The following TWF1 variants were observed in gnomAD, a reference collection of about 807,000 sequenced individuals.
TWF1 encodes twinfilin actin binding protein 1, also known as twinfilin-1.
A neutral mutation model predicts 47.9 loss-of-function variants in TWF1; 14 were observed. That is an observed-to-expected ratio of 0.29 (90% CI 0.19 to 0.46). TWF1 has a LOEUF of 0.46. TWF1 is among the 20% of genes least tolerant of loss of function. The probability of loss-of-function intolerance (pLI) is 1.00; values close to 1 mark genes in which losing one functional copy is unlikely to be tolerated. For missense variants in TWF1, 281 were observed against 409.3 expected (o/e 0.69, Z 2.70); for synonymous variants, 96 against 139.2 (o/e 0.69, Z 2.18).
intron 3 of TWF1, 139 bp downstream of exon 3, chr12:43,802,147 T>A: frequency 5.9e-6 from 3 of 512,510 alleles, no homozygotes; most frequent in Non-Finnish European, 9.9e-6. Flanking sequence ...GATTCTCCGT[T>A]ATCAATCCAA....
rs769048004 is a variant in TWF1 at position 43,804,614 on chromosome 12, TATAA to T, written c.26-46_26-43del. 2.0e-5 allele frequency: 27 copies of T among 1,348,944 alleles called. No homozygotes were observed. In the South Asian group the frequency reaches 3.2e-4, roughly 16 times the overall value. 83.6% of individuals were successfully genotyped at this position (1,348,944 alleles called of 1,614,324 possible). A position where few individuals can be genotyped will look rare whatever the true frequency, so the allele number is the denominator to read the frequency against. ...AGAAAGTAAACTTTTTATACTTACA[TATAA>T]ATACTTTCCTATCTATATTGGAAAA... On this transcript the variant is annotated intron_variant, in intron 1 of 8. Transcript: ENST00000395510.
chr12:43,795,533 C>G lies in TWF1; in HGVS notation c.*52G>C. 6.4e-7 allele frequency: 1 copy of G among 1,550,722 alleles called. No homozygotes were observed. The highest frequency in any genetic ancestry group is 8.8e-7 in the Non-Finnish European group (1 of 1,138,604). ...ATGGAATGATTTCAGTTCTCCTGTA[C>G]TAAAAGCTGGACTTTTAAAAAACTA... On this transcript the variant is annotated 3_prime_UTR_variant, in exon 9 of 9. Transcript: ENST00000395510.
intron 3 of TWF1, among the ~76,000 whole-genome samples, chr12:43,801,751 T>G (rs772453641): frequency 5.9e-5 from 9 of 152,078 alleles, no homozygotes; most frequent in Non-Finnish European, 1.2e-4. Context: ...CAAATTAGGT[T>G]GGACACAGTG....
intron 5 of TWF1, chr12:43,798,537 A>T: frequency 6.7e-7 from 1 of 1,497,992 alleles, no homozygotes; most frequent in African/African-American, 1.4e-5. Context: ...GTTAATGAAA[A>T]CATCATAGAA....
In TWF1 at chr12:43,795,650, C is replaced by T; in HGVS notation, c.988G>A (p.Ala330Thr). 1 of 1,613,268 alleles carries T rather than the reference C, an allele frequency of 6.2e-7. No homozygotes were observed. Among genetic ancestry groups the T allele is most frequent in the South Asian group, 1.1e-5 (1 of 91,054 alleles). The change falls in exon 9 of 9, where the codon GCA becomes ACA. Residue 330 changes from alanine (A) to threonine (T), a missense_variant. Transcript: ENST00000395510. ...KQSFAKPKGP[A>T]GKRGIRRLIR... ...AGTCTTCGAATTCCTCTTTTTCCTG[C>T]AGGACCTTTTGGTTTTGCAAAACTT...
chr12:43,795,869 G>C, intron 8 of TWF1, 114 bp from the exon 9 acceptor site: 2 of 994,194 alleles, frequency 2.0e-6, no homozygotes, highest in East Asian at 4.9e-5. Flanking sequence ...GCAGAATCAA[G>C]GACCATATGT....
At chr12:43,795,798 A>G in intron 8 of TWF1, 43 bp from the exon 9 acceptor site, 1 of 1,594,678 alleles carries the variant, frequency 6.3e-7, no homozygotes, top group Non-Finnish European at 8.6e-7. Context: ...AAAACCTAAT[A>G]CAAGCAACAA....
At position 43,794,198 on chromosome 12, in the gene TWF1, A is replaced by G. The variant is rs1384613793; in HGVS notation, c.*1387T>C. ...ATGGAACAACTTATATCTTTAGTAA[A>G]CAAGTGCAACATTATTGTCAGTTAT... On this transcript the variant is annotated 3_prime_UTR_variant, in exon 9 of 9. Coordinates refer to ENST00000395510, the MANE Select transcript of TWF1 (RefSeq NM_002822.5). 2 of 152,628 alleles carry G rather than the reference A, an allele frequency of 1.3e-5. No homozygotes were observed. The highest frequency in any genetic ancestry group is 2.9e-5 in the Non-Finnish European group (2 of 68,044). The allele number at this position is 152,628 out of a possible 1,614,324, so 9.5% of individuals were successfully genotyped here. A position where few individuals can be genotyped will look rare whatever the true frequency, so the allele number is the denominator to read the frequency against.
intron 8 of TWF1, 117 bp downstream of exon 8, chr12:43,796,859 A>T (rs1942560079): frequency 2.7e-6 from 3 of 1,119,810 alleles, no homozygotes; most frequent in South Asian, 1.4e-5. Flanking sequence ...CTAAGGATTT[A>T]GGATGATAAC....
chr12:43,806,246 G>A lies in TWF1; in HGVS notation c.-1C>T, dbSNP rs761889277. On this transcript the variant is annotated 5_prime_UTR_variant, in exon 1 of 9. Transcript: ENST00000395510. ...CTTGGATGCCGGTCTGGTGGGACAT[G>A]GCGGCGGCCGCTAGCTCCCGGCTCC... 13 of 1,527,046 alleles carry A rather than the reference G, an allele frequency of 8.5e-6. No individual in the cohort carries two copies. Among genetic ancestry groups the A allele is most frequent in the South Asian group, 3.6e-5 (3 of 82,372 alleles). 94.6% of individuals were successfully genotyped at this position (1,527,046 alleles called of 1,614,324 possible).
rs939817360 is a variant in TWF1, at chr12:43,806,098, G to C, written c.25+123C>G. Reference sequence around the variant, plus strand: ...GCGGAGAGGCGCCGAGGCCCGGCTCGCCCCGCGAGACCGACTTCCGGAGCT... The same window carrying C: ...GCGGAGAGGCGCCGAGGCCCGGCTCCCCCCGCGAGACCGACTTCCGGAGCT... On this transcript the variant is annotated intron_variant, in intron 1 of 8. Coordinates refer to ENST00000395510, the MANE Select transcript of TWF1 (RefSeq NM_002822.5). 3 of 1,521,032 alleles carry C rather than the reference G, an allele frequency of 2.0e-6. No individual in the cohort carries two copies. In the African/African-American group the frequency reaches 4.1e-5, roughly 21 times the overall value. 94.2% of individuals were successfully genotyped at this position (1,521,032 alleles called of 1,614,324 possible).
rs1222565143 is a variant in TWF1 at position 43,806,267 on chromosome 12, G to A, written c.-22C>T. On this transcript the variant is annotated 5_prime_UTR_variant, in exon 1 of 9. Transcript: ENST00000395510. ...ACATGGCGGCGGCCGCTAGCTCCCG[G>A]CTCCGGCGCTGAGTGCAGCCAGCGG... The A allele has an allele frequency of 6.6e-7, 1 of 1,519,038 alleles. No individual in the cohort carries two copies. The highest frequency in any genetic ancestry group is 2.7e-5 in the East Asian group (1 of 37,614). The allele number at this position is 1,519,038 out of a possible 1,614,324, so 94.1% of individuals were successfully genotyped here.
At chr12:43,801,186 G>A (rs11182269) in intron 3 of TWF1, among the ~76,000 whole-genome samples, 25,576 of 152,184 alleles carry the variant, frequency 0.17, 2,635 homozygotes, top group African/African-American at 0.28. Flanking sequence ...TCTCAAAGCT[G>A]TATCAAAGAT....
chr12:43,805,692 C>G, intron 1 of TWF1: 1 of 852,086 alleles, frequency 1.2e-6, no homozygotes, highest in Non-Finnish European at 1.7e-6. Context: ...GAACATAACT[C>G]TCATTTTCCT....
At chr12:43,804,154 A>ATTTT in intron 2 of TWF1, 1 of 332,612 alleles carries the variant, frequency 3.0e-6, no homozygotes, top group South Asian at 2.4e-5. Context: ...ACAAGTAACT[A>ATTTT]TTTTTTTTTT....
Position 43,797,381 on chromosome 12 carries a change from CTT to C in TWF1, c.679_680del (p.Lys227GlufsTer15). 1 of 1,605,534 alleles carries C rather than the reference CTT, an allele frequency of 6.2e-7. No homozygotes were observed. The highest frequency in any genetic ancestry group is 1.1e-5 in the South Asian group (1 of 89,314). On this transcript the variant is annotated frameshift_variant, in exon 7 of 9. Coordinates refer to ENST00000395510, the MANE Select transcript of TWF1 (RefSeq NM_002822.5). LOFTEE classifies it high-confidence loss of function. ...AACGAGCTGAATCCTTGGGAATCCT[CTT>C]TGGCAAATCTTTCAGTTCTGTATTT... ...TTNTELKDLPKRIPKDSARYH... is the reference protein window; with the variant it reads ...TTNTELKDLPXRIPKDSARYH...
intron 7 of TWF1, 30 bp from the exon 8 acceptor site, chr12:43,797,127 T>G: frequency 6.4e-7 from 1 of 1,558,132 alleles, no homozygotes; most frequent in Non-Finnish European, 8.7e-7. Context: ...CAAATATAAT[T>G]AGCATATCAA....
chr12:43,801,717 C>A (rs1398239572), intron 3 of TWF1, among the ~76,000 whole-genome samples: 1 of 152,074 alleles, frequency 6.6e-6, no homozygotes, highest in African/African-American at 2.4e-5. Flanking sequence ...TTCAGAGGCC[C>A]ATGGAGTCAT....
intron 1 of TWF1, chr12:43,805,967 G>A (rs1942757212): frequency 1.3e-6 from 2 of 1,547,486 alleles, no homozygotes; most frequent in Non-Finnish European, 1.7e-6. Flanking sequence ...CGCCTCGAAA[G>A]CCAATTTCCT....
Sources: gnomAD v4.1 joint callset for allele counts (sites outside exome capture counted in the v4.1 genomes callset) on GRCh38, gnomAD v4.1.1 for gene constraint, MANE v1.5 for transcripts, NCBI Gene and HGNC (gene_info 2026-07-23, HGNC 2026-07-21) for gene names.